Variants in LPAR1 observed in about 807,000 individuals in gnomAD.
LPAR1 encodes LPA receptor 1.
In LPAR1, 5 loss-of-function variants were observed where a neutral mutation model predicts 23.8. The observed-to-expected ratio is 0.21, with a 90% CI of 0.11 to 0.44. The LOEUF is 0.44. LPAR1 is among the 20% of genes least tolerant of loss of function. The pLI, the probability that LPAR1 is intolerant of heterozygous loss-of-function variation, is 0.99. For missense variants in LPAR1, 311 were observed against 482.8 expected (o/e 0.64, Z 3.33); for synonymous variants, 160 against 164.7 (o/e 0.97, Z 0.22).
At chr9:110,991,875 G>A (rs999026723) in intron 2 of LPAR1, among the ~76,000 whole-genome samples, 3 of 152,088 alleles carry the variant, frequency 2.0e-5, no homozygotes, top group Non-Finnish European at 4.4e-5. Flanking sequence ...TTACAGGCGT[G>A]AGCCACCACT....
At position 111,002,272 on chromosome 9, in the gene LPAR1, A is replaced by C. The variant is rs143774702; in HGVS notation, c.-181-28714T>G. On this transcript the variant is annotated intron_variant, in intron 2 of 5. Transcript: ENST00000683809. ...TGATAAAATACAAGCTATCATAATA[A>C]AACTGTTTAATTTACTTAAAAAAGG... Among the ~76,000 whole-genome samples the C allele has an allele frequency of 5.6e-3, 860 of 152,322 alleles. 11 individuals are homozygous for C. Among genetic ancestry groups the C allele is most frequent in the African/African-American group, 0.02 (811 of 41,572 alleles).
At chr9:110,982,861 TACACACACACAC>T (rs55748505) in intron 2 of LPAR1, among the ~76,000 whole-genome samples, 5 of 139,986 alleles carry the variant, frequency 3.6e-5, no homozygotes, top group South Asian at 4.7e-4. Context: ...TATATACACA[TACACACACACAC>T]ACACACACAC....
At chr9:111,036,488 T>C (rs890956233) in intron 1 of LPAR1, among the ~76,000 whole-genome samples, 1 of 151,838 alleles carries the variant, frequency 6.6e-6, no homozygotes, top group Non-Finnish European at 1.5e-5. Flanking sequence ...ACCTCTCACT[T>C]CCCCCTCCTA....
intron 2 of LPAR1, among the ~76,000 whole-genome samples, chr9:110,975,210 A>T (rs1173105015): frequency 2.6e-5 from 4 of 152,218 alleles, no homozygotes; most frequent in African/African-American, 9.6e-5. Context: ...CAGAATATAG[A>T]GAGTTGCCTA....
intron 4 of LPAR1, 120 bp downstream of exon 4, chr9:110,971,953 C>T (rs912908992): frequency 1.2e-6 from 1 of 860,628 alleles, no homozygotes; most frequent in Non-Finnish European, 1.9e-6. Flanking sequence ...CGAATACACA[C>T]CAAATGATAG....
intron 5 of LPAR1, among the ~76,000 whole-genome samples, chr9:110,893,875 C>T (rs2085366343): frequency 6.6e-6 from 1 of 152,104 alleles, no homozygotes; most frequent in South Asian, 2.1e-4. Context: ...ATCTACTATG[C>T]TCCCTGGTCT....
At chr9:110,994,598 C>CT (rs1173948280) in intron 2 of LPAR1, among the ~76,000 whole-genome samples, 2 of 152,098 alleles carry the variant, frequency 1.3e-5, no homozygotes, top group Admixed American at 6.6e-5. Flanking sequence ...CTTCTTCACA[C>CT]TTTTTTACTG....
At chr9:110,902,336 G>T (rs2089493514) in intron 5 of LPAR1, among the ~76,000 whole-genome samples, 2 of 152,070 alleles carry the variant, frequency 1.3e-5, no homozygotes, top group African/African-American at 4.8e-5. Flanking sequence ...CGTTGTGAGG[G>T]ACCTGGTGGG....
chr9:110,999,671 T>G (rs1021926461), intron 2 of LPAR1, among the ~76,000 whole-genome samples: 4 of 152,066 alleles, frequency 2.6e-5, no homozygotes, highest in African/African-American at 9.7e-5. Flanking sequence ...GCCTCATAAG[T>G]GGAAACAGGG....
At chr9:111,007,950 G>C (rs139430432) in intron 2 of LPAR1, among the ~76,000 whole-genome samples, 197 of 152,240 alleles carry the variant, frequency 1.3e-3, no homozygotes, top group African/African-American at 4.5e-3. Flanking sequence ...AAGGCAGGCA[G>C]ATCACCTGAG....
In LPAR1 at chr9:110,926,155, C is replaced by T. The variant is rs551442650; in HGVS notation, c.793+15266G>A. On this transcript the variant is annotated intron_variant, in intron 5 of 5. Transcript: ENST00000683809. ...CAGGATGGTCTCGATCTCCTGACCT[C>T]GTGATCCGCCCGCCTAGGCCTCCCA... Among the ~76,000 whole-genome samples, 13 of 152,242 alleles carry T rather than the reference C, an allele frequency of 8.5e-5. 1 individual carries two copies. The East Asian group carries it at 2.1e-3, about 25-fold the overall frequency.
chr9:110,974,945 T>C (rs2096523869), intron 2 of LPAR1, among the ~76,000 whole-genome samples: 1 of 152,218 alleles, frequency 6.6e-6, no homozygotes, highest in African/African-American at 2.4e-5. Context: ...TTTCTCCTTC[T>C]CATGTATTTA....
intron 2 of LPAR1, among the ~76,000 whole-genome samples, chr9:111,016,981 G>A (rs1480683979): frequency 6.6e-6 from 1 of 152,134 alleles, no homozygotes; most frequent in African/African-American, 2.4e-5. Context: ...AGTACCTAAC[G>A]TTTGGAGAAC....
At chr9:111,017,448 C>A (rs900938668) in intron 2 of LPAR1, among the ~76,000 whole-genome samples, 5 of 152,096 alleles carry the variant, frequency 3.3e-5, no homozygotes, top group African/African-American at 1.2e-4. Flanking sequence ...GGTGAAATTG[C>A]AAATCTATTA....
chr9:110,937,849 A>C (rs916138277), intron 5 of LPAR1, among the ~76,000 whole-genome samples: 2 of 152,242 alleles, frequency 1.3e-5, no homozygotes, highest in African/African-American at 2.4e-5. Flanking sequence ...GAAACTGAGT[A>C]ATCATTCCCA....
intron 5 of LPAR1, among the ~76,000 whole-genome samples, chr9:110,925,219 T>C (rs1460390024): frequency 6.6e-6 from 1 of 150,652 alleles, no homozygotes; most frequent in Non-Finnish European, 1.5e-5. Context: ...AGATTTTGGA[T>C]ATAGATATAG....
chr9:110,878,902 T>C (rs888556405), intron 5 of LPAR1, among the ~76,000 whole-genome samples: 1 of 152,010 alleles, frequency 6.6e-6, no homozygotes, highest in Non-Finnish European at 1.5e-5. Context: ...TGCAGTTGGG[T>C]ATGAAGAAGA....
At chr9:111,025,371 C>T (rs1393938936) in intron 2 of LPAR1, among the ~76,000 whole-genome samples, 3 of 152,104 alleles carry the variant, frequency 2.0e-5, no homozygotes, top group Admixed American at 6.5e-5. Flanking sequence ...CTGTTCATAT[C>T]CTTCGCCCAC....
chr9:110,930,888 C>A (rs779616039), intron 5 of LPAR1, among the ~76,000 whole-genome samples: 57 of 152,110 alleles, frequency 3.7e-4, no homozygotes, highest in Admixed American at 7.2e-4. Context: ...GCACTCCAGC[C>A]TGGGCAACAA....
Sources: gnomAD v4.1 joint callset for allele counts (sites outside exome capture counted in the v4.1 genomes callset) on GRCh38, gnomAD v4.1.1 for gene constraint, MANE v1.5 for transcripts, NCBI Gene and HGNC (gene_info 2026-07-23, HGNC 2026-07-21) for gene names.